NOLC1: variants seen among roughly 807,000 people sequenced by gnomAD.
The protein encoded by NOLC1 is nucleolar and coiled-body phosphoprotein 1, also known as 140 kDa nucleolar phosphoprotein.
A neutral mutation model predicts 73.4 loss-of-function variants in NOLC1; 37 were observed. That is an observed-to-expected ratio of 0.50 (90% CI 0.39 to 0.66). The LOEUF (loss-of-function observed/expected upper bound fraction) is 0.66. NOLC1 is among the 30% of genes least tolerant of loss of function. NOLC1 has a pLI of 0.00. For missense variants in NOLC1, 921 were observed against 838.9 expected (o/e 1.10, Z -1.21); for synonymous variants, 327 against 302.6 (o/e 1.08, Z -0.84).
At chr10:102,161,685 C>T (rs1450297682) in intron 11 of NOLC1, 23 bp downstream of exon 11, 2 of 1,593,430 alleles carry the variant, frequency 1.3e-6, no homozygotes, top group Non-Finnish European at 1.7e-6. Context: ...ACTTTCTTCT[C>T]AGGAGCCAGC....
In NOLC1 at chr10:102,160,726, T is replaced by C. The variant is rs755588857; in HGVS notation, c.1374T>C (p.Pro458=). 55 of 1,613,980 alleles carry C rather than the reference T, an allele frequency of 3.4e-5. No individual in the cohort carries two copies. Among genetic ancestry groups the C allele is most frequent in the Non-Finnish European group, 4.2e-5 (50 of 1,179,974 alleles). The change falls in exon 10 of 13, where the codon CCT becomes CCC. Residue 458 remains proline (P), a synonymous_variant. Transcript: ENST00000605788. ...CTGCCAAAGCAGCTCTATCTCTGCC[T>C]GCCAAGCAGGCTCCTCAGGGTAGTA... The part of the protein sequence containing the change: ...KATAKAALSL[P]AKQAPQGSRD...
At position 102,157,115 on chromosome 10, in the gene NOLC1, A is replaced by G. The variant is rs1262527885; in HGVS notation, c.176+41A>G. 5.0e-6 allele frequency: 8 copies of G among 1,614,020 alleles called. No individual in the cohort carries two copies. In the East Asian group the frequency reaches 6.7e-5, roughly 13 times the overall value. On this transcript the variant is annotated intron_variant, in intron 2 of 12. Coordinates refer to ENST00000605788, the MANE Select transcript of NOLC1 (RefSeq NM_004741.5). Reference sequence around the variant, plus strand: ...TCCATTTTGGCTATTTTCTCCCCCAAGATAGGCTGGGCTGTGTTTCTTGGT... The same window carrying G: ...TCCATTTTGGCTATTTTCTCCCCCAGGATAGGCTGGGCTGTGTTTCTTGGT...
intron 1 of NOLC1, among the ~76,000 whole-genome samples, chr10:102,156,018 G>A (rs936578377): frequency 1.3e-5 from 2 of 150,706 alleles, no homozygotes; most frequent in Admixed American, 6.6e-5. Flanking sequence ...CACCACACCC[G>A]GCTAAGAGAC....
Position 102,159,183 on chromosome 10 carries a change from G to T in NOLC1, c.608-10G>T. 1 of 1,613,034 alleles carries T rather than the reference G, an allele frequency of 6.2e-7. No homozygotes were observed. The highest frequency in any genetic ancestry group is 8.5e-7 in the Non-Finnish European group (1 of 1,179,652). ...TACTCCTTACTCTTTCTTTTTCTTG[G>T]GTATTCCAGCTCGAGCAGCACCTAA... On this transcript the variant is annotated splice_polypyrimidine_tract_variant and intron_variant, in intron 5 of 12. Transcript: ENST00000605788.
chr10:102,160,713 C>T lies in NOLC1; in HGVS notation c.1361C>T (p.Ala454Val), dbSNP rs1464515165. The T allele has an allele frequency of 3.1e-6, 5 of 1,614,128 alleles. No homozygotes were observed. The South Asian group carries it at 4.4e-5, about 14-fold the overall frequency. The change falls in exon 10 of 13, where the codon GCT (alanine) becomes GTT (valine). Residue 454 changes from alanine to valine, a missense_variant. Transcript: ENST00000605788. ...AAGCCCAAGGCGACTGCCAAAGCAGCTCTATCTCTGCCTGCCAAGCAGGCT... is the reference window on the plus strand; with the variant it reads ...AAGCCCAAGGCGACTGCCAAAGCAGTTCTATCTCTGCCTGCCAAGCAGGCT... ...TTKPKATAKAALSLPAKQAPQ... is the reference protein window; with the variant it reads ...TTKPKATAKAVLSLPAKQAPQ...
intron 6 of NOLC1, 55 bp downstream of exon 6, chr10:102,159,363 GTC>G (rs1250198397): frequency 1.2e-6 from 2 of 1,613,544 alleles, no homozygotes; most frequent in Non-Finnish European, 1.7e-6. Context: ...ATGTGTGTGT[GTC>G]TTCCTTCCCT....
In NOLC1 at chr10:102,158,083, C is replaced by T. The variant is rs1206137961; in HGVS notation, c.476C>T (p.Ala159Val). Reference protein sequence around the residue: ...GVKPQAKAAKAPPKKAKSSDS... With the variant: ...GVKPQAKAAKVPPKKAKSSDS... ...AAGCCCCAAGCCAAGGCAGCCAAAG[C>T]TCCTCCTAAGAAGGCCAAGAGCTCT... The change falls in exon 5 of 13, where the codon GCT (alanine) becomes GTT (valine). Residue 159 changes from alanine (A) to valine (V), a missense_variant. By Grantham distance (64) the Ala-to-Val change is moderately conservative (BLOSUM62 0). Transcript: ENST00000605788. 1 of 1,614,078 alleles carries T rather than the reference C, an allele frequency of 6.2e-7. No individual in the cohort carries two copies. Among genetic ancestry groups the T allele is most frequent in the East Asian group, 2.2e-5 (1 of 44,882 alleles).
chr10:102,160,032 A>G lies in NOLC1; in HGVS notation c.988+8A>G. On this transcript the variant is annotated splice_region_variant and intron_variant, in intron 8 of 12. Transcript: ENST00000605788. ...ACAGCAGTGATGAGTCTGGTGAGTC[A>G]GAGGGATGCAGCCTCCCCTCAGCGT... The G allele has an allele frequency of 1.2e-6, 2 of 1,611,418 alleles. No individual in the cohort carries two copies. The highest frequency in any genetic ancestry group is 4.5e-5 in the East Asian group (2 of 44,828).
chr10:102,156,989 T>C, intron 1 of NOLC1, 30 bp from the exon 2 acceptor site: 1 of 1,608,904 alleles, frequency 6.2e-7, no homozygotes, highest in South Asian at 1.1e-5. Context: ...GATAAAATAA[T>C]TTCCTTACCC....
At chr10:102,159,103 T>G in intron 5 of NOLC1, 90 bp from the exon 6 acceptor site, 6 of 612,688 alleles carry the variant, frequency 9.8e-6, no homozygotes, top group Non-Finnish European at 1.6e-5. Flanking sequence ...AATGGTGGAC[T>G]CCTAAGTTCT....
chr10:102,158,604 G>A (rs183714016), intron 5 of NOLC1, among the ~76,000 whole-genome samples: 3 of 152,040 alleles, frequency 2.0e-5, no homozygotes, highest in Non-Finnish European at 2.9e-5. Flanking sequence ...CTTTTTTTCT[G>A]TAACTTGTGA....
chr10:102,161,639 AAC>A lies in NOLC1; in HGVS notation c.1829_1830del (p.Thr610IlefsTer24), dbSNP rs779641356. 1 of 1,613,780 alleles carries A rather than the reference AAC, an allele frequency of 6.2e-7. No individual in the cohort carries two copies. On this transcript the variant is annotated frameshift_variant, in exon 11 of 13. Transcript: ENST00000605788. LOFTEE classifies it high-confidence loss of function. ...CAAGAAGATAAAGCTTCAGACCCCT[AAC>A]ACATTTCCAAAAAGGAAGAAAGTAA... The part of the protein sequence containing the change: ...QAKKIKLQTP[N>X]TFPKRKKGEK...
chr10:102,161,485 G>T, intron 10 of NOLC1, 71 bp from the exon 11 acceptor site: 1 of 1,114,678 alleles, frequency 9.0e-7, no homozygotes, highest in Non-Finnish European at 1.3e-6. Flanking sequence ...TCCTACCTTG[G>T]ACTCCCAAAA....
intron 4 of NOLC1, 38 bp from the exon 5 acceptor site, chr10:102,158,011 G>C: frequency 6.3e-7 from 1 of 1,594,384 alleles, no homozygotes; most frequent in Non-Finnish European, 8.5e-7. Flanking sequence ...GTACCCGGAA[G>C]CTTTTGCTGA....
At position 102,157,052 on chromosome 10, in the gene NOLC1, G is replaced by T; in HGVS notation, c.154G>T (p.Asp52Tyr). ...GGATGCCAATGCCTCTTCCCTCTTA[G>T]ACATCTATAGCTTCTGGCTCAAGTA... is the stretch of plus-strand genomic sequence containing the variant. ...QQDANASSLLDIYSFWLKSAK... is the reference protein window; with the variant it reads ...QQDANASSLLYIYSFWLKSAK... The change falls in exon 2 of 13, where the codon GAC (aspartate) becomes TAC (tyrosine). Residue 52 changes from aspartate (D) to tyrosine (Y), a missense_variant. Transcript: ENST00000605788. The T allele has an allele frequency of 6.2e-7, 1 of 1,614,146 alleles. No homozygotes were observed. Among genetic ancestry groups the T allele is most frequent in the Non-Finnish European group, 8.5e-7 (1 of 1,180,032 alleles).
chr10:102,162,768 G>T lies in NOLC1; in HGVS notation c.*499G>T, dbSNP rs2069735294. ...CCTTCCCTCAAAACCCTAGAGAGGG[G>T]CATTAAAGAATTGTTGATGTATATG... On this transcript the variant is annotated 3_prime_UTR_variant, in exon 13 of 13. Transcript: ENST00000605788. The T allele has an allele frequency of 6.6e-6, 1 of 152,666 alleles. No homozygotes were observed. The highest frequency in any genetic ancestry group is 2.4e-5 in the African/African-American group (1 of 41,446). The allele number at this position is 152,666 out of a possible 1,614,324, so 9.5% of individuals were successfully genotyped here. A position where few individuals can be genotyped will look rare whatever the true frequency, so the allele number is the denominator to read the frequency against.
Position 102,152,517 on chromosome 10 carries a change from A to G in NOLC1, c.107A>G (p.Lys36Arg). Reference sequence around the variant, plus strand: ...TCAGAGGTGGCCAATAAGTTCGCCAAAGCGACAGGAGCTGTGAGTTCCGGG... The same window carrying G: ...TCAGAGGTGGCCAATAAGTTCGCCAGAGCGACAGGAGCTGTGAGTTCCGGG... ...QLSEVANKFAKATGATQQDAN... is the reference protein window; with the variant it reads ...QLSEVANKFARATGATQQDAN... Residue 36 changes from lysine (K) to arginine (R), a missense_variant, in exon 1 of 13, where the codon AAA (lysine) becomes AGA (arginine). Coordinates refer to ENST00000605788, the MANE Select transcript of NOLC1 (RefSeq NM_004741.5). The G allele has an allele frequency of 6.2e-7, 1 of 1,613,832 alleles. No homozygotes were observed. The highest frequency in any genetic ancestry group is 8.5e-7 in the Non-Finnish European group (1 of 1,180,040).
chr10:102,153,760 C>T (rs758620685), intron 1 of NOLC1, among the ~76,000 whole-genome samples: 1 of 150,800 alleles, frequency 6.6e-6, no homozygotes, highest in African/African-American at 2.4e-5. Flanking sequence ...GTAACCTCCG[C>T]CTCCCAAGTT....
rs569681351 is a variant in NOLC1 at position 102,163,577 on chromosome 10, G to A, written c.*1308G>A. On this transcript the variant is annotated 3_prime_UTR_variant, in exon 13 of 13. Transcript: ENST00000605788. The stretch of plus-strand genomic sequence containing the variant: ...CTGCAGGAAGTGACTGAGCAGTAGC[G>A]GTACTCAGCCAGACCAAGACGGAGA... The A allele has an allele frequency of 6.6e-5, 10 of 152,290 alleles. No individual in the cohort carries two copies. The highest frequency in any genetic ancestry group is 2.2e-4 in the African/African-American group (9 of 41,552). 9.4% of individuals were successfully genotyped at this position (152,290 alleles called of 1,614,324 possible). A position where few individuals can be genotyped will look rare whatever the true frequency, so the allele number is the denominator to read the frequency against.
Sources: allele counts gnomAD v4.1 joint callset (sites outside exome capture counted in the v4.1 genomes callset), GRCh38; gene constraint gnomAD v4.1.1; transcripts MANE v1.5; gene names NCBI Gene and HGNC (gene_info 2026-07-23, HGNC 2026-07-21).